FBXL2: variants seen among roughly 807,000 people sequenced by gnomAD.
FBXL2 encodes F-box and leucine rich repeat protein 2.
Under a neutral mutation model 69.2 loss-of-function variants are expected in FBXL2, and 38 were observed. That is an observed-to-expected ratio of 0.55 (90% CI 0.42 to 0.72). The LOEUF (loss-of-function observed/expected upper bound fraction) is 0.72, where lower values mean the gene tolerates loss of function less well. Among genes scored for constraint, FBXL2 ranks in the 30% least tolerant of loss-of-function variants. The pLI is 0.00. For missense variants in FBXL2, 354 were observed against 520.3 expected, an observed-to-expected ratio of 0.68 and a Z score of 3.11; for synonymous variants, 192 against 201.3, an observed-to-expected ratio of 0.95 and a Z score of 0.39.
chr3:33,371,965 A>C (rs758492754), intron 5 of FBXL2, among the ~76,000 whole-genome samples: 3 of 152,198 alleles, frequency 2.0e-5, no homozygotes, highest in Non-Finnish European at 4.4e-5. Flanking sequence ...AATGGGCACT[A>C]TTCCTTGCCC....
chr3:33,380,813 T>A (rs2043003427), intron 13 of FBXL2, among the ~76,000 whole-genome samples: 1 of 152,186 alleles, frequency 6.6e-6, no homozygotes, highest in Non-Finnish European at 1.5e-5. Context: ...GAATGTGATA[T>A]AAGCTGCTCG....
At chr3:33,374,876 A>G (rs926381291) in intron 9 of FBXL2, among the ~76,000 whole-genome samples, 6 of 152,200 alleles carry the variant, frequency 3.9e-5, no homozygotes, top group Non-Finnish European at 8.8e-5. Flanking sequence ...TAAAGCATTA[A>G]TCTGCAGAAA....
chr3:33,360,918 CTTTTTTT>C (rs58912118), intron 4 of FBXL2, among the ~76,000 whole-genome samples: 7 of 57,126 alleles, frequency 1.2e-4, no homozygotes, highest in Admixed American at 5.3e-4. Context: ...ACATGAAGAA[CTTTTTTT>C]TTTTTTTTTT....
intron 11 of FBXL2, among the ~76,000 whole-genome samples, chr3:33,377,569 C>T (rs1033005775): frequency 5.3e-5 from 8 of 152,176 alleles, no homozygotes; most frequent in African/African-American, 1.9e-4. Context: ...GGACCAGCCT[C>T]CTCCTGGCAG....
At chr3:33,412,640 A>G in the FBXL2 span, 163 of 947,120 alleles carry the variant, frequency 1.7e-4, 2 homozygotes, top group African/African-American at 2.3e-3. Context: ...CACACAAGTA[A>G]TTCATGATGC....
chr3:33,360,072 C>G (rs1316313305), intron 4 of FBXL2, among the ~76,000 whole-genome samples: 1 of 152,068 alleles, frequency 6.6e-6, no homozygotes, highest in Non-Finnish European at 1.5e-5. Flanking sequence ...GTTTGAGGGT[C>G]TTGAGATTCT....
intron 12 of FBXL2, chr3:33,402,935 T>C: frequency 2.6e-6 from 4 of 1,535,734 alleles, no homozygotes; most frequent in Non-Finnish European, 2.7e-6. Context: ...AAATTAGTGA[T>C]ATGCTTTTAA....
At chr3:33,336,100 A>G (rs1386959996) in intron 2 of FBXL2, among the ~76,000 whole-genome samples, 1 of 152,212 alleles carries the variant, frequency 6.6e-6, no homozygotes, top group South Asian at 2.1e-4. Flanking sequence ...ACTGTTTCTA[A>G]ATGTTATATG....
At chr3:33,395,404 A>C (rs548145393) in intron 12 of FBXL2, among the ~76,000 whole-genome samples, 1 of 152,190 alleles carries the variant, frequency 6.6e-6, no homozygotes, top group Non-Finnish European at 1.5e-5. Context: ...ATGTTACCAT[A>C]TATCCATACA....
chr3:33,413,356 G>C, the FBXL2 span, among the ~76,000 whole-genome samples: 1 of 151,372 alleles, frequency 6.6e-6, no homozygotes, highest in Non-Finnish European at 1.5e-5. Flanking sequence ...GACCATCCTG[G>C]CTAACACGGT....
intron 12 of FBXL2, among the ~76,000 whole-genome samples, chr3:33,378,481 A>G (rs2042789619): frequency 6.6e-6 from 1 of 152,208 alleles, no homozygotes; most frequent in African/African-American, 2.4e-5. Flanking sequence ...TTGGGGTACC[A>G]GAAGAGAGAC....
intron 5 of FBXL2, among the ~76,000 whole-genome samples, chr3:33,365,816 T>C (rs1189038893): frequency 1.3e-5 from 2 of 152,216 alleles, no homozygotes; most frequent in African/African-American, 4.8e-5. Context: ...TTCATGTCTT[T>C]ATCCTCATGG....
At chr3:33,392,298 A>C (rs2043800460), downstream of FBXL2, 2 of 361,066 alleles carry the variant, frequency 5.5e-6, no homozygotes, top group Admixed American at 9.6e-5. Context: ...TGAGCGACAG[A>C]AGCACGGTGT....
intron 1 of FBXL2, among the ~76,000 whole-genome samples, chr3:33,278,549 G>A (rs1424162655): frequency 1.3e-5 from 2 of 152,176 alleles, no homozygotes; most frequent in Non-Finnish European, 2.9e-5. Flanking sequence ...GCCTCATGGA[G>A]AAAAAACTAT....
intron 11 of FBXL2, among the ~76,000 whole-genome samples, chr3:33,377,901 C>T (rs1437087152): frequency 6.6e-6 from 1 of 152,190 alleles, no homozygotes; most frequent in Non-Finnish European, 1.5e-5. Context: ...CAGAGGCAGC[C>T]CTATTCCCAG....
chr3:33,414,451 G>A, the FBXL2 span, among the ~76,000 whole-genome samples: 21 of 152,198 alleles, frequency 1.4e-4, no homozygotes, highest in Middle Eastern at 3.4e-3. Flanking sequence ...AAAAAAAGAC[G>A]AAAACAGAAC....
chr3:33,390,260 T>C (rs1575440258), downstream of FBXL2: 3 of 1,456,768 alleles, frequency 2.1e-6, no homozygotes, highest in East Asian at 6.8e-5. Context: ...CCAAGACTTC[T>C]TGGATTCAGT....
chr3:33,368,702 T>A (rs1009722158), intron 5 of FBXL2, among the ~76,000 whole-genome samples: 4 of 151,938 alleles, frequency 2.6e-5, no homozygotes, highest in African/African-American at 9.7e-5. Context: ...GCCATTCTCC[T>A]CAGCCTTCCG....
chr3:33,373,930 C>T lies in FBXL2; in HGVS notation c.657+9C>T, dbSNP rs754161588. On this transcript the variant is annotated intron_variant, in intron 9 of 14. Transcript: ENST00000484457. The stretch of plus-strand genomic sequence containing the variant: ...ACTTGCAGTCCTGCTCAGTAAGTAG[C>T]GTGCCTTTCCTGAACACTGTTTGCT... The T allele has an allele frequency of 5.1e-5, 82 of 1,613,378 alleles. No individual in the cohort carries two copies. Among genetic ancestry groups the T allele is most frequent in the African/African-American group, 6.7e-5 (5 of 74,906 alleles).
Sources: gnomAD v4.1 joint callset for allele counts (sites outside exome capture counted in the v4.1 genomes callset) on GRCh38, gnomAD v4.1.1 for gene constraint, MANE v1.5 for transcripts, NCBI Gene and HGNC (gene_info 2026-07-23, HGNC 2026-07-21) for gene names.